PHF7: variants seen among roughly 807,000 people sequenced by gnomAD.
PHF7 encodes E3 ubiquitin-protein ligase PHF7.
In PHF7, 24 loss-of-function variants were observed where a neutral mutation model predicts 47.5. That is an observed-to-expected ratio of 0.51 (90% CI 0.37 to 0.71). PHF7 has a LOEUF of 0.71. Ranked by LOEUF, PHF7 falls within the 30% of genes least tolerant of loss-of-function variation. PHF7 has a pLI of 0.00. For synonymous variants in PHF7, 156 were observed against 153.8 expected, an observed-to-expected ratio of 1.01 and a Z score of -0.11; for missense variants, 361 against 456.8, an observed-to-expected ratio of 0.79 and a Z score of 1.91.
rs1559601045 is a variant in PHF7 at position 52,419,941 on chromosome 3, A to C, written c.288+7A>C. ...AGCCCGGGCTTCTAGGAAGGTTAGA[A>C]TCTCTTGAAATGAGGACCTTGGGGT... is the stretch of plus-strand genomic sequence containing the variant. On this transcript the variant is annotated splice_region_variant and intron_variant, in intron 5 of 10. Transcript: ENST00000327906. 1.5e-5 allele frequency: 24 copies of C among 1,551,476 alleles called. No homozygotes were observed. In the East Asian group the frequency reaches 4.5e-4, roughly 29 times the overall value.
chr3:52,423,088 C>A lies in PHF7; in HGVS notation c.920-3C>A. On this transcript the variant is annotated splice_polypyrimidine_tract_variant and splice_region_variant and intron_variant, in intron 10 of 10. Transcript: ENST00000327906. ...TTTTCCTCTCCTGCCTTTCTCTCAC[C>A]AGACTACATACCTGAAAACTCAGGG... 1 of 1,601,152 alleles carries A rather than the reference C, an allele frequency of 6.2e-7. No individual in the cohort carries two copies. Among genetic ancestry groups the A allele is most frequent in the Non-Finnish European group, 8.6e-7 (1 of 1,168,710 alleles).
chr3:52,419,768 C>A, intron 4 of PHF7, 65 bp from the exon 5 acceptor site: 1 of 913,510 alleles, frequency 1.1e-6, no homozygotes, highest in South Asian at 1.4e-5. Flanking sequence ...CTGTCCTTCT[C>A]CTCACCTCAC....
rs754223047 is a variant in PHF7, at chr3:52,420,418, A to G, written c.396A>G (p.Gln132=). Residue 132 remains glutamine (Q), a synonymous_variant, in exon 6 of 11, where the codon CAA becomes CAG. Coordinates refer to ENST00000327906, the MANE Select transcript of PHF7 (RefSeq NM_016483.7). ...GCCAAGAAAGGGGTTGCCTTTCACA[A>G]TTTTTTGGAGAGTACAAGTGAGTGA... The part of the protein sequence containing the change: ...PCGQERGCLS[Q]FFGEYKSFCD... The G allele has an allele frequency of 3.1e-6, 5 of 1,613,952 alleles. No homozygotes were observed. The South Asian group carries it at 4.4e-5, about 14-fold the overall frequency.
At chr3:52,421,084 G>A (rs753590344) in intron 7 of PHF7, 22 bp downstream of exon 7, 9 of 1,583,206 alleles carry the variant, frequency 5.7e-6, no homozygotes, top group Non-Finnish European at 7.7e-6. Flanking sequence ...TCCGCCCTGG[G>A]TCCCTTCCAC....
At chr3:52,420,027 T>A (rs1705739705) in intron 5 of PHF7, 93 bp downstream of exon 5, 3 of 819,268 alleles carry the variant, frequency 3.7e-6, no homozygotes, top group Admixed American at 2.5e-5. Flanking sequence ...ACTTCCTAGT[T>A]TAGATGTCAA....
chr3:52,419,982 C>T (rs1705738889), intron 5 of PHF7, 48 bp downstream of exon 5: 1 of 1,016,232 alleles, frequency 9.8e-7, no homozygotes, highest in East Asian at 2.5e-5. Flanking sequence ...TCTTTTCATA[C>T]CTCACCCATC....
intron 1 of PHF7, among the ~76,000 whole-genome samples, chr3:52,412,319 A>G (rs1435424923): frequency 6.6e-6 from 1 of 152,184 alleles, no homozygotes; most frequent in Non-Finnish European, 1.5e-5. Context: ...TTGCTTAGGA[A>G]AAAGCTACCT....
Position 52,421,898 on chromosome 3 carries a change from T to C in PHF7, c.680+144T>C. 6 of 574,232 alleles carry C rather than the reference T, an allele frequency of 1.0e-5. No homozygotes were observed. In the South Asian group the frequency reaches 1.2e-4, roughly 11 times the overall value. 35.6% of individuals were successfully genotyped at this position (574,232 alleles called of 1,614,324 possible). On this transcript the variant is annotated intron_variant, in intron 8 of 10. Coordinates refer to ENST00000327906, the MANE Select transcript of PHF7 (RefSeq NM_016483.7). ...AAGGGGAGGAGGGAGTGCTTTTCAA[T>C]TATCAAAACAGAAGGGAGGGGGAAG...
chr3:52,422,526 C>G, intron 9 of PHF7, 188 bp downstream of exon 9: 1 of 646,798 alleles, frequency 1.5e-6, no homozygotes, highest in African/African-American at 1.8e-5. Flanking sequence ...CCTGCAAGGT[C>G]CGCTTCACCT....
chr3:52,421,651 T>C lies in PHF7; in HGVS notation c.577T>C (p.Tyr193His), dbSNP rs762202267. 1 of 1,583,260 alleles carries C rather than the reference T, an allele frequency of 6.3e-7. No homozygotes were observed. Among genetic ancestry groups the C allele is most frequent in the East Asian group, 2.2e-5 (1 of 44,744 alleles). The change falls in exon 8 of 11, where the codon TAT becomes CAT. Residue 193 changes from tyrosine (Y) to histidine (H), a missense_variant. By Grantham distance (83) the Tyr-to-His change is moderately conservative. Coordinates refer to ENST00000327906, the MANE Select transcript of PHF7 (RefSeq NM_016483.7). ...AIYHRKCIQK[Y>H]AHTSAKHFFK... ...CTCTTCCCTGTTTCTCTTACAGAAA[T>C]ATGCCCACACATCAGCAAAGCATTT...
At chr3:52,419,667 G>A (rs536880493) in intron 4 of PHF7, among the ~76,000 whole-genome samples, 166 bp from the exon 5 acceptor site, 10 of 152,036 alleles carry the variant, frequency 6.6e-5, no homozygotes, top group Non-Finnish European at 5.9e-5. Context: ...TCCTGACCTC[G>A]TGATCCGCCC....
chr3:52,421,109 T>A (rs1024424589), intron 7 of PHF7, 47 bp downstream of exon 7: 3 of 1,522,908 alleles, frequency 2.0e-6, no homozygotes, highest in Non-Finnish European at 2.7e-6. Flanking sequence ...GCCCTAGTTC[T>A]CTGCCTGGAA....
chr3:52,417,895 A>G (rs1290224887), intron 4 of PHF7, among the ~76,000 whole-genome samples: 1 of 152,186 alleles, frequency 6.6e-6, no homozygotes, highest in Non-Finnish European at 1.5e-5. Context: ...CTATTAAAGT[A>G]TGTTAGCTCT....
chr3:52,413,904 A>G, intron 2 of PHF7, 92 bp from the exon 3 acceptor site: 1 of 819,886 alleles, frequency 1.2e-6, no homozygotes, highest in Non-Finnish European at 2.1e-6. Context: ...GTCCTTCATC[A>G]GACCCATGAA....
At chr3:52,415,308 T>C (rs1418017557) in intron 4 of PHF7, among the ~76,000 whole-genome samples, 1 of 152,184 alleles carries the variant, frequency 6.6e-6, no homozygotes, top group Non-Finnish European at 1.5e-5. Context: ...GTGATTCTCC[T>C]GCCTCAGCCT....
chr3:52,416,464 G>C (rs1163054106), intron 4 of PHF7, among the ~76,000 whole-genome samples: 1 of 151,230 alleles, frequency 6.6e-6, no homozygotes, highest in Non-Finnish European at 1.5e-5. Context: ...GATTACAGGC[G>C]TGAGCCACCG....
intron 8 of PHF7, 196 bp from the exon 9 acceptor site, chr3:52,422,026 C>T (rs114199672): frequency 0.025 from 15,558 of 612,622 alleles, 278 homozygotes; most frequent in Middle Eastern, 0.039. Context: ...AACTAAGGAA[C>T]CTGCATGCAT....
Position 52,422,832 on chromosome 3 carries a change from T to C in PHF7, c.870T>C (p.Ser290=), listed in dbSNP as rs530104164. The change falls in exon 10 of 11, where the codon TCT becomes TCC. Residue 290 remains serine, a synonymous_variant. Coordinates refer to ENST00000327906, the MANE Select transcript of PHF7 (RefSeq NM_016483.7). ...GTHRDCSSLR[S]NSKKWECEEC... The stretch of plus-strand genomic sequence containing the variant: ...ACAGGGACTGCTCCTCTCTTAGATC[T>C]AACAGTAAGAAATGGGAGTGTGAGG... 3 of 1,613,988 alleles carry C rather than the reference T, an allele frequency of 1.9e-6. No homozygotes were observed. Among genetic ancestry groups the C allele is most frequent in the African/African-American group, 2.7e-5 (2 of 74,986 alleles).
chr3:52,414,436 C>T (rs1441975050), intron 3 of PHF7, 60 bp from the exon 4 acceptor site: 4 of 930,062 alleles, frequency 4.3e-6, no homozygotes, highest in African/African-American at 3.3e-5. Flanking sequence ...TACATTCTCA[C>T]CCTTCTCTTC....
Sources: gnomAD v4.1 joint callset for allele counts (sites outside exome capture counted in the v4.1 genomes callset) on GRCh38, gnomAD v4.1.1 for gene constraint, MANE v1.5 for transcripts, NCBI Gene and HGNC (gene_info 2026-07-23, HGNC 2026-07-21) for gene names.